Variants in USP9X observed in about 807,000 individuals in gnomAD.
USP9X encodes ubiquitin specific peptidase 9 X-linked.
Under a neutral mutation model 190.3 loss-of-function variants are expected in USP9X, and 7 were observed. The ratio of observed to expected loss-of-function variants is 0.04; its 90% CI spans 0.02 to 0.07. The LOEUF (loss-of-function observed/expected upper bound fraction) is 0.07. Ranked by LOEUF, USP9X falls within the 10% of genes least tolerant of loss-of-function variation. The pLI is 1.00. For synonymous variants in USP9X, 645 were observed against 659.5 expected (o/e 0.98, Z 0.34); for missense variants, 1,010 against 1,916.9 (o/e 0.53, Z 8.83).
At chrX:41,121,346 C>G (rs2062189054) in intron 1 of USP9X, among the ~76,000 whole-genome samples, 1 of 110,958 alleles carries the variant, frequency 9.0e-6, no homozygotes, top group South Asian at 3.8e-4. Flanking sequence ...CTTAGGCAAG[C>G]CCCTGCTGTC....
intron 1 of USP9X, among the ~76,000 whole-genome samples, chrX:41,118,266 C>T (rs2062165248): frequency 9.0e-6 from 1 of 111,315 alleles, no homozygotes; most frequent in Non-Finnish European, 1.9e-5. Flanking sequence ...AACTGAAGCG[C>T]TGTACCCCTT....
rs148401246 is a variant in USP9X at position 41,188,370 on chromosome X, T to C, written c.3810+253T>C. On this transcript the variant is annotated intron_variant, in intron 25 of 44. Transcript: ENST00000378308. ...GCTTCTTGTGGGGGTCAGATATAAT[T>C]GTCTCATACTGAATTTGCTTTATCC... is the stretch of plus-strand genomic sequence containing the variant. Among the ~76,000 whole-genome samples, 101 of 112,256 alleles carry C rather than the reference T, an allele frequency of 9.0e-4. 1 individual carries two copies. The highest frequency in any genetic ancestry group is 3.0e-3 in the African/African-American group (93 of 30,900).
chrX:41,147,289 G>T (rs1286854549), intron 11 of USP9X, among the ~76,000 whole-genome samples: 1 of 107,659 alleles, frequency 9.3e-6, no homozygotes, highest in East Asian at 2.9e-4. Context: ...GTTTTTAATT[G>T]TAATCTGATA....
At chrX:41,132,461 G>A (rs1019512602) in intron 4 of USP9X, among the ~76,000 whole-genome samples, 1 of 109,464 alleles carries the variant, frequency 9.1e-6, no homozygotes, top group Non-Finnish European at 1.9e-5. Context: ...CCACCACCAT[G>A]CCCGGCTAAT....
Position 41,232,410 on chromosome X carries a change from A to T in USP9X, c.7551A>T (p.Pro2517=). ...YQQNNHVHGQ[P]YTGPAAHHMN... ...AGAATAACCATGTGCATGGACAGCC[A>T]TATACAGGCCCAGCAGCACATCACA... Residue 2517 remains proline (P), a synonymous_variant, in exon 45 of 45, where the codon CCA becomes CCT. Transcript: ENST00000378308. 3 of 1,211,301 alleles carry T rather than the reference A, an allele frequency of 2.5e-6. No homozygotes were observed. Among genetic ancestry groups the T allele is most frequent in the Middle Eastern group, 2.3e-4 (1 of 4,349 alleles).
chrX:41,227,891 G>A (rs1308086027), intron 41 of USP9X, among the ~76,000 whole-genome samples: 1 of 111,806 alleles, frequency 8.9e-6, no homozygotes, highest in East Asian at 2.8e-4. Context: ...TAGTAGAGAC[G>A]GGGTTTCACC....
intron 11 of USP9X, among the ~76,000 whole-genome samples, chrX:41,148,037 C>T (rs1181370954): frequency 9.0e-6 from 1 of 111,381 alleles, no homozygotes; most frequent in Non-Finnish European, 1.9e-5. Flanking sequence ...CTGGTCTCTA[C>T]TCACTAAATG....
chrX:41,184,327 T>C, intron 22 of USP9X, 70 bp from the exon 23 acceptor site: 1 of 1,114,391 alleles, frequency 9.0e-7, no homozygotes, highest in South Asian at 2.2e-5. Context: ...CTGACAATAG[T>C]ACAAATAGAA....
intron 13 of USP9X, among the ~76,000 whole-genome samples, chrX:41,151,329 A>G (rs940981427): frequency 4.5e-5 from 5 of 111,726 alleles, no homozygotes; most frequent in African/African-American, 1.6e-4. Flanking sequence ...TACATACTAT[A>G]TTTCCAGCAA....
intron 21 of USP9X, among the ~76,000 whole-genome samples, chrX:41,183,442 C>T (rs2062845689): frequency 8.9e-6 from 1 of 111,757 alleles, no homozygotes; most frequent in Non-Finnish European, 1.9e-5. Context: ...TGTGTCTTTT[C>T]ACCGTAATTT....
intron 15 of USP9X, among the ~76,000 whole-genome samples, chrX:41,165,600 A>T (rs979653391): frequency 1.8e-4 from 20 of 112,060 alleles, no homozygotes; most frequent in African/African-American, 6.5e-4. Context: ...CTAAAGGTTC[A>T]TGGAATGAAT....
At chrX:41,120,840 G>GTTT (rs772931570) in intron 1 of USP9X, among the ~76,000 whole-genome samples, 28 of 90,069 alleles carry the variant, frequency 3.1e-4, no homozygotes, top group Admixed American at 5.0e-4. Flanking sequence ...CTTTAGTCAA[G>GTTT]TTTTTTTTTT....
At chrX:41,225,215 T>C in intron 41 of USP9X, 78 bp downstream of exon 41, 1 of 887,936 alleles carries the variant, frequency 1.1e-6, no homozygotes, top group South Asian at 2.3e-5. Flanking sequence ...AGTCACCACA[T>C]TTTTTTTAAC....
chrX:41,126,487 A>G (rs1406258429), intron 2 of USP9X, among the ~76,000 whole-genome samples: 2 of 111,452 alleles, frequency 1.8e-5, no homozygotes, highest in African/African-American at 6.5e-5. Flanking sequence ...CCTTTTTTGC[A>G]ATGTTTCTGA....
chrX:41,189,674 T>G, intron 26 of USP9X, 199 bp downstream of exon 26: 1 of 332,079 alleles, frequency 3.0e-6, no homozygotes, highest in African/African-American at 2.6e-5. Context: ...ATATTAATTG[T>G]CAAAGCATGA....
At chrX:41,141,500 C>A in intron 9 of USP9X, 69 bp downstream of exon 9, 2 of 986,151 alleles carry the variant, frequency 2.0e-6, no homozygotes, top group South Asian at 3.9e-5. Context: ...ATAGCTCTAG[C>A]TAAAAAAATT....
chrX:41,108,566 A>G (rs953078311), intron 1 of USP9X, among the ~76,000 whole-genome samples: 1 of 111,395 alleles, frequency 9.0e-6, no homozygotes, highest in African/African-American at 3.3e-5. Flanking sequence ...GCTTATTACC[A>G]TGATCTCTCC....
chrX:41,136,117 T>G (rs772616552), intron 5 of USP9X, among the ~76,000 whole-genome samples: 3 of 112,409 alleles, frequency 2.7e-5, no homozygotes, highest in Non-Finnish European at 5.6e-5. Context: ...ATTTGACATT[T>G]AGCTAGCAAA....
chrX:41,148,940 A>G (rs1229577764), intron 12 of USP9X, among the ~76,000 whole-genome samples: 2 of 112,391 alleles, frequency 1.8e-5, no homozygotes, highest in African/African-American at 6.5e-5. Flanking sequence ...AGAAAAATTA[A>G]TAGAATTTCC....
Sources: gnomAD v4.1 joint callset for allele counts (sites outside exome capture counted in the v4.1 genomes callset) on GRCh38, gnomAD v4.1.1 for gene constraint, MANE v1.5 for transcripts, NCBI Gene and HGNC (gene_info 2026-07-23, HGNC 2026-07-21) for gene names.